MTMR3: variants seen among roughly 807,000 people sequenced by gnomAD.
MTMR3 encodes the protein myotubularin related protein 3.
Under a neutral mutation model 132.4 loss-of-function variants are expected in MTMR3, and 32 were observed. That is an observed-to-expected ratio of 0.24 (90% CI 0.18 to 0.32). MTMR3 has a LOEUF of 0.32. Ranked by LOEUF, MTMR3 falls within the 10% of genes least tolerant of loss-of-function variation. The pLI is 1.00. For missense variants in MTMR3, 1,216 were observed against 1,489.6 expected (o/e 0.82, Z 3.02); for synonymous variants, 556 against 550.3 (o/e 1.01, Z -0.14).
chr22:29,971,038 C>T lies in MTMR3; in HGVS notation c.-22C>T. ...ACTGAAGAAGGGACGGGGATTTCTC[C>T]TCCTAATCTGGGCCTCTTGTCATGG... On this transcript the variant is annotated 5_prime_UTR_variant, in exon 3 of 20. Coordinates refer to ENST00000401950, the MANE Select transcript of MTMR3 (RefSeq NM_021090.4). 1.3e-6 allele frequency: 2 copies of T among 1,589,404 alleles called. No homozygotes were observed. The highest frequency in any genetic ancestry group is 1.7e-6 in the Non-Finnish European group (2 of 1,169,634).
At chr22:29,896,869 TCACACA>T (rs61038012) in intron 1 of MTMR3, among the ~76,000 whole-genome samples, 20 of 138,144 alleles carry the variant, frequency 1.4e-4, no homozygotes, top group Admixed American at 4.5e-4. Flanking sequence ...CAGGCTTGTC[TCACACA>T]CACACACACA....
intron 1 of MTMR3, among the ~76,000 whole-genome samples, chr22:29,900,655 A>G (rs866109490): frequency 2.0e-5 from 3 of 152,182 alleles, no homozygotes; most frequent in African/African-American, 2.4e-5. Context: ...TGATGAGACA[A>G]TTGAGGCAAA....
chr22:29,912,753 TG>T (rs1269527335), intron 1 of MTMR3, among the ~76,000 whole-genome samples: 3 of 152,200 alleles, frequency 2.0e-5, no homozygotes, highest in Non-Finnish European at 4.4e-5. Flanking sequence ...GCAGAGAATA[TG>T]AAGGACTTTT....
At position 30,020,541 on chromosome 22, in the gene MTMR3, G is replaced by A. The variant is rs2145975039; in HGVS notation, c.2882G>A (p.Gly961Glu). The change falls in exon 17 of 20, where the codon GGG (glycine) becomes GAG (glutamate). Residue 961 changes from glycine to glutamate, a missense_variant. This residue lies in a region of MTMR3 where 852 missense variants were observed against 852.0 expected (regional missense o/e 1.00). Coordinates refer to ENST00000401950, the MANE Select transcript of MTMR3 (RefSeq NM_021090.4). ...ACACCCAATGGGCATTGCGCCAATG[G>A]GGAGGCTGGTAGGAGCAAGGACTCA... ...YPTPNGHCAN[G>E]EAGRSKDSLS... 6.2e-7 allele frequency: 1 copy of A among 1,614,176 alleles called. No homozygotes were observed. The highest frequency in any genetic ancestry group is 8.5e-7 in the Non-Finnish European group (1 of 1,180,038).
At chr22:29,917,057 G>A (rs939665023) in intron 1 of MTMR3, among the ~76,000 whole-genome samples, 25 of 152,180 alleles carry the variant, frequency 1.6e-4, no homozygotes, top group African/African-American at 6.0e-4. Flanking sequence ...GCTCCCACCA[G>A]CTGGTATTTA....
chr22:30,021,786 C>T, intron 17 of MTMR3: 1 of 473,882 alleles, frequency 2.1e-6, no homozygotes, highest in Non-Finnish European at 3.8e-6. Context: ...TTCTGGAACC[C>T]TGAGGGCCTG....
intron 1 of MTMR3, among the ~76,000 whole-genome samples, chr22:29,902,360 T>C (rs2065016829): frequency 6.6e-6 from 1 of 152,132 alleles, no homozygotes; most frequent in Non-Finnish European, 1.5e-5. Flanking sequence ...TCATTGACTT[T>C]TTTGTTCCTC....
At chr22:30,008,774 T>G in intron 11 of MTMR3, 1 of 404,088 alleles carries the variant, frequency 2.5e-6, no homozygotes, top group South Asian at 4.7e-5. Context: ...AGCTTTTATT[T>G]TATGTCAGTA....
intron 1 of MTMR3, among the ~76,000 whole-genome samples, chr22:29,949,132 CACACACACA>C (rs2066013013): frequency 2.4e-5 from 1 of 41,870 alleles, no homozygotes. Context: ...CACACACACA[CACACACACA>C]CACCCCCCCC....
chr22:29,963,393 T>TC (rs1322153350), intron 2 of MTMR3, among the ~76,000 whole-genome samples: 1 of 97,696 alleles, frequency 1.0e-5, no homozygotes, highest in Non-Finnish European at 2.3e-5. Context: ...ACTTAATTCC[T>TC]TTTTTTTTTT....
rs2067999720 is a variant in MTMR3, at chr22:30,030,753, C to T, written c.*4952C>T. ...ACGGTTTTCATACTGTTCTCTGGGG[C>T]CTCGTGGAGAGGGAGCCTCCAGGCC... On this transcript the variant is annotated 3_prime_UTR_variant, in exon 20 of 20. Coordinates refer to ENST00000401950, the MANE Select transcript of MTMR3 (RefSeq NM_021090.4). 6.6e-6 allele frequency: 1 copy of T among 152,032 alleles called. No individual in the cohort carries two copies. The highest frequency in any genetic ancestry group is 6.6e-5 in the Admixed American group (1 of 15,236). 9.4% of individuals were successfully genotyped at this position (152,032 alleles called of 1,614,324 possible).
chr22:29,904,235 CACTT>C (rs1335200409), intron 1 of MTMR3, among the ~76,000 whole-genome samples: 1 of 152,186 alleles, frequency 6.6e-6, no homozygotes, highest in Non-Finnish European at 1.5e-5. Flanking sequence ...ATCAGTTGCA[CACTT>C]AATCTTCATT....
Position 30,029,748 on chromosome 22 carries a change from T to G in MTMR3, c.*3947T>G, listed in dbSNP as rs2067978155. The G allele has an allele frequency of 6.6e-6, 1 of 152,396 alleles. No homozygotes were observed. The highest frequency in any genetic ancestry group is 1.5e-5 in the Non-Finnish European group (1 of 68,040). The allele number at this position is 152,396 out of a possible 1,614,324, so 9.4% of individuals were successfully genotyped here. ...CCACCTGATTGCAGTAGGTGAGGGCTAACAGCAGAATTTAAAGTGGACCCT... is the reference window on the plus strand; with the variant it reads ...CCACCTGATTGCAGTAGGTGAGGGCGAACAGCAGAATTTAAAGTGGACCCT... On this transcript the variant is annotated 3_prime_UTR_variant, in exon 20 of 20. Transcript: ENST00000401950.
intron 17 of MTMR3, 103 bp from the exon 18 acceptor site, chr22:30,021,926 C>A: frequency 1.2e-6 from 1 of 858,426 alleles, no homozygotes; most frequent in Non-Finnish European, 1.9e-6. Context: ...TCCTAGCACT[C>A]GGCCCCACCC....
chr22:30,023,560 C>A (rs140807876), intron 19 of MTMR3: 279 of 1,551,896 alleles, frequency 1.8e-4, no homozygotes, highest in Non-Finnish European at 2.4e-4. Flanking sequence ...TATCATTTCC[C>A]CCTCTCTGCA....
intron 1 of MTMR3, among the ~76,000 whole-genome samples, chr22:29,941,798 C>G (rs1008235747): frequency 1.3e-5 from 2 of 151,974 alleles, no homozygotes; most frequent in Non-Finnish European, 2.9e-5. Context: ...TTAAAATGTA[C>G]AATTCAGTGG....
Position 30,028,257 on chromosome 22 carries a change from G to A in MTMR3, c.*2456G>A. ...CTTCAGTCGGGGAGTGGAAGGAGATGTGGGGTGGGGGTGAGAAAATGCTTC... is the reference window on the plus strand; with the variant it reads ...CTTCAGTCGGGGAGTGGAAGGAGATATGGGGTGGGGGTGAGAAAATGCTTC... On this transcript the variant is annotated 3_prime_UTR_variant, in exon 20 of 20. Transcript: ENST00000401950. The A allele has an allele frequency of 6.6e-6, 1 of 152,566 alleles. No individual in the cohort carries two copies. Among genetic ancestry groups the A allele is most frequent in the East Asian group, 1.9e-4 (1 of 5,330 alleles). 9.5% of individuals were successfully genotyped at this position (152,566 alleles called of 1,614,324 possible).
At position 30,007,858 on chromosome 22, in the gene MTMR3, G is replaced by A. The variant is rs762013105; in HGVS notation, c.878-43G>A. The A allele has an allele frequency of 2.1e-5, 34 of 1,608,994 alleles. 4 individuals are homozygous for A. In the Admixed American group the frequency reaches 2.8e-4, roughly 13 times the overall value. ...GGTCTAATTCTGCACAGTTCTGGGA[G>A]AGACAGGCTCATTTAGTATGCCCTC... is the stretch of plus-strand genomic sequence containing the variant. On this transcript the variant is annotated intron_variant, in intron 10 of 19. Coordinates refer to ENST00000401950, the MANE Select transcript of MTMR3 (RefSeq NM_021090.4).
At chr22:29,910,049 CGCTACTCGGGAGGCTGAG>C (rs948547724) in intron 1 of MTMR3, among the ~76,000 whole-genome samples, 40 of 151,654 alleles carry the variant, frequency 2.6e-4, no homozygotes, top group African/African-American at 9.0e-4. Context: ...CCCCACTACT[CGCTACTCGGGAGGCTGAG>C]GCAGGAGAAT....
Sources: gnomAD v4.1 joint callset for allele counts (sites outside exome capture counted in the v4.1 genomes callset) on GRCh38, gnomAD v4.1.1 for gene constraint, gnomAD v4.1.1 regional missense constraint, MANE v1.5 for transcripts, NCBI Gene and HGNC (gene_info 2026-07-23, HGNC 2026-07-21) for gene names.